LARGE1: variants seen among roughly 807,000 people sequenced by gnomAD.
LARGE1 encodes the protein LARGE xylosyl- and glucuronyltransferase 1.
LARGE1 carries 43 observed loss-of-function variants against 87.6 expected under a neutral mutation model. That is an observed-to-expected ratio of 0.49 (90% confidence interval 0.38 to 0.63). The LOEUF (loss-of-function observed/expected upper bound fraction) is 0.63. Among genes scored for constraint, LARGE1 ranks in the 30% least tolerant of loss-of-function variants. LARGE1 has a pLI of 0.00. For synonymous variants in LARGE1, 434 were observed against 394.6 expected (o/e 1.10, Z -1.18); for missense variants, 802 against 1,000.2 (o/e 0.80, Z 2.67).
At chr22:33,164,806 C>T (rs1922178494) in exon 12 of LARGE1, 1 of 152,094 alleles carries the variant, frequency 6.6e-6, no homozygotes, top group South Asian at 2.1e-4. Context: ...GTGTGAGCCA[C>T]TGCGCTCGGC....
intron 1 of LARGE1, among the ~76,000 whole-genome samples, chr22:33,821,566 T>C (rs1051990261): frequency 6.6e-6 from 1 of 152,164 alleles, no homozygotes; most frequent in African/African-American, 2.4e-5. Flanking sequence ...AAGATTTCTC[T>C]CCACCAGCCT....
In LARGE1 at chr22:33,274,562, G is replaced by A. The variant is rs767177452; in HGVS notation, c.2136C>T (p.Phe712=). The change falls in exon 15 of 15, where the codon TTC becomes TTT. Residue 712 remains phenylalanine (F), a synonymous_variant. Transcript: ENST00000397394. ...TGTTGGAACGGAACTTGGTAATGTC[G>A]AAGCTGGGGGCATGAGGCATGTGGA... is the stretch of plus-strand genomic sequence containing the variant. The part of the protein sequence containing the change: ...YMIHMPHAPS[F]DITKFRSNKQ... The A allele has an allele frequency of 8.7e-6, 14 of 1,614,006 alleles. 1 individual carries two copies. The highest frequency in any genetic ancestry group is 2.2e-5 in the East Asian group (1 of 44,892).
chr22:33,756,912 C>T (rs491508), intron 2 of LARGE1, among the ~76,000 whole-genome samples: 85,745 of 151,830 alleles, frequency 0.56, 24,323 homozygotes, highest in East Asian at 0.66. Flanking sequence ...AACCGAGACA[C>T]GGAGTGAATG....
chr22:33,358,976 C>A (rs938960428), intron 9 of LARGE1, among the ~76,000 whole-genome samples: 8 of 147,112 alleles, frequency 5.4e-5, no homozygotes, highest in Non-Finnish European at 1.2e-4. Context: ...CCAGCCTGGG[C>A]GACAGAGTGA....
chr22:33,885,345 G>A (rs2064815315), intron 1 of LARGE1, among the ~76,000 whole-genome samples: 1 of 152,208 alleles, frequency 6.6e-6, no homozygotes, highest in Non-Finnish European at 1.5e-5. Context: ...TCCTGCCTCT[G>A]AGACTTCATC....
At chr22:33,524,151 C>T (rs1464386302) in intron 6 of LARGE1, among the ~76,000 whole-genome samples, 1 of 151,822 alleles carries the variant, frequency 6.6e-6, no homozygotes, top group Admixed American at 6.6e-5. Flanking sequence ...ATTAGCAGGG[C>T]GTGGTGGCAC....
chr22:33,478,471 T>C (rs2069173747), intron 6 of LARGE1, among the ~76,000 whole-genome samples: 1 of 152,344 alleles, frequency 6.6e-6, no homozygotes, highest in East Asian at 1.9e-4. Flanking sequence ...GATGAAATAA[T>C]GGCCATGAGA....
At chr22:33,856,880 C>T (rs1034482230) in intron 1 of LARGE1, 12 of 152,084 alleles carry the variant, frequency 7.9e-5, no homozygotes, top group African/African-American at 2.7e-4. Context: ...GTCTCCCCGC[C>T]GCTCCCTAAT....
At chr22:33,081,361 G>C in the LARGE1 span, among the ~76,000 whole-genome samples, 1 of 152,322 alleles carries the variant, frequency 6.6e-6, no homozygotes, top group Non-Finnish European at 1.5e-5. Context: ...TGTCAGGGAA[G>C]GACCATCTCC....
At position 33,304,462 on chromosome 22, in the gene LARGE1, G is replaced by C. The variant is rs769790373; in HGVS notation, c.1497C>G (p.Ile499Met). The part of the protein sequence containing the change: ...EAICKHWEGP[I>M]SLALYLSDAE... Reference sequence around the variant, plus strand: ...CGTCTGACAGGTAGAGGGCCAGGCTGATGGGCCCCTCCCAGTGCTTGCAGA... The same window carrying C: ...CGTCTGACAGGTAGAGGGCCAGGCTCATGGGCCCCTCCCAGTGCTTGCAGA... Residue 499 changes from isoleucine (I) to methionine (M), a missense_variant, in exon 12 of 15, where the codon ATC becomes ATG. Physicochemically the swap from Ile to Met is conservative, Grantham distance 10 (BLOSUM62 1). Transcript: ENST00000397394. 5 of 1,612,504 alleles carry C rather than the reference G, an allele frequency of 3.1e-6. No individual in the cohort carries two copies. The highest frequency in any genetic ancestry group is 4.2e-6 in the Non-Finnish European group (5 of 1,179,264).
chr22:33,637,790 T>C (rs139024036), intron 3 of LARGE1, among the ~76,000 whole-genome samples: 32 of 152,262 alleles, frequency 2.1e-4, no homozygotes, highest in African/African-American at 6.3e-4. Flanking sequence ...TCTTTAAAGG[T>C]TGAGAGTCAT....
chr22:33,820,773 C>T (rs2086793388), intron 1 of LARGE1, among the ~76,000 whole-genome samples: 2 of 152,174 alleles, frequency 1.3e-5, no homozygotes, highest in Non-Finnish European at 1.5e-5. Flanking sequence ...TTCATCGTGG[C>T]ACCTGAACCA....
At chr22:33,657,081 G>T in intron 2 of LARGE1, 1 of 152,284 alleles carries the variant, frequency 6.6e-6, no homozygotes. Flanking sequence ...AAATGAATAG[G>T]ACTGGGACTC....
the LARGE1 span, among the ~76,000 whole-genome samples, chr22:33,082,534 C>T: frequency 1.3e-5 from 2 of 152,088 alleles, 1 homozygote; most frequent in South Asian, 4.1e-4. Context: ...GCCTGGAAAA[C>T]CTCCTGAGAA....
intron 6 of LARGE1, among the ~76,000 whole-genome samples, chr22:33,494,989 C>T (rs548322946): frequency 5.3e-5 from 8 of 152,276 alleles, no homozygotes; most frequent in Non-Finnish European, 7.4e-5. Context: ...CTCAGTAATG[C>T]TATCCCAGTC....
intron 1 of LARGE1, among the ~76,000 whole-genome samples, chr22:33,859,634 G>A (rs577247899): frequency 5.4e-4 from 82 of 152,192 alleles, no homozygotes; most frequent in Non-Finnish European, 1.1e-3. Flanking sequence ...AGAGACCGGG[G>A]CTTAAATCCA....
At chr22:33,640,212 T>C (rs1237643933) in intron 3 of LARGE1, among the ~76,000 whole-genome samples, 1 of 152,160 alleles carries the variant, frequency 6.6e-6, no homozygotes, top group African/African-American at 2.4e-5. Context: ...TTAAAATCCT[T>C]AAAGACACCA....
chr22:33,781,646 A>C (rs2085424136), intron 1 of LARGE1, among the ~76,000 whole-genome samples: 1 of 152,208 alleles, frequency 6.6e-6, no homozygotes, highest in Non-Finnish European at 1.5e-5. Context: ...CATATGAGCA[A>C]ATGTCAACTG....
chr22:33,258,605 T>C (rs754172187), intron 11 of LARGE1, among the ~76,000 whole-genome samples: 13 of 152,190 alleles, frequency 8.5e-5, no homozygotes, highest in Non-Finnish European at 1.8e-4. Flanking sequence ...AATTAATACA[T>C]TTACTAAACA....
Sources: gnomAD v4.1 joint callset for allele counts (sites outside exome capture counted in the v4.1 genomes callset) on GRCh38, gnomAD v4.1.1 for gene constraint, MANE v1.5 for transcripts, NCBI Gene and HGNC (gene_info 2026-07-23, HGNC 2026-07-21) for gene names.